CCDC7: variants seen among roughly 807,000 people sequenced by gnomAD.
CCDC7 encodes the protein coiled-coil domain-containing protein 7.
CCDC7 carries 183 observed loss-of-function variants against 196.9 expected under a neutral mutation model. That is an observed-to-expected ratio of 0.93 (90% CI 0.82 to 1.05). The LOEUF is 1.05. Ranked by LOEUF, CCDC7 falls within the 50% of genes least tolerant of loss-of-function variation. The pLI is 0.00. For missense variants in CCDC7, 1,540 were observed against 1,482.2 expected (o/e 1.04, Z -0.64); for synonymous variants, 525 against 484.6 (o/e 1.08, Z -1.10).
chr10:32,472,334 G>C, intron 6 of CCDC7, 147 bp from the exon 8 acceptor site: 1 of 643,872 alleles, frequency 1.6e-6, no homozygotes, highest in Non-Finnish European at 2.3e-6. Flanking sequence ...GTTTACCTTA[G>C]TGTCTGTGAG....
chr10:32,491,978 CA>C lies in CCDC7; in HGVS notation c.854del (p.Gln285ArgfsTer9). 6.3e-7 allele frequency: 1 copy of C among 1,575,480 alleles called. No homozygotes were observed. The highest frequency in any genetic ancestry group is 1.4e-5 in the African/African-American group (1 of 72,752). On this transcript the variant is annotated frameshift_variant, in exon 9 of 42. Transcript: ENST00000639629. LOFTEE classifies it high-confidence loss of function. ...TGCCATGTTGAAAGTATTTGAAAAC[CA>C]GGCAAATATGTTGGAGAGGTAAGCT...
In CCDC7 at chr10:32,592,398, C is replaced by T. The variant is rs539481348; in HGVS notation, c.1801+8094C>T. On this transcript the variant is annotated intron_variant, in intron 18 of 41. Coordinates refer to ENST00000639629, the Ensembl canonical transcript of CCDC7. ...GCTTTGGATTTAGGTTGTCCTTTTT[C>T]TAGTTTTTTTAAGGCATAAAGTTAG... Among the ~76,000 whole-genome samples, 171 of 151,730 alleles carry T rather than the reference C, an allele frequency of 1.1e-3. 1 individual carries two copies. Among genetic ancestry groups the T allele is most frequent in the Middle Eastern group, 0.01 (3 of 294 alleles).
intron 16 of CCDC7, 24 bp from the exon 18 acceptor site, chr10:32,583,010 A>C: frequency 2.5e-6 from 3 of 1,223,820 alleles, no homozygotes; most frequent in Non-Finnish European, 3.1e-6. Context: ...ATAATCTAAT[A>C]CCAGATGTTT....
At chr10:32,668,931 T>A (rs1452115220) in intron 21 of CCDC7, among the ~76,000 whole-genome samples, 1 of 152,270 alleles carries the variant, frequency 6.6e-6, no homozygotes, top group East Asian at 1.9e-4. Context: ...GCCAGTGTTC[T>A]GTAGAATAGA....
intron 28 of CCDC7, among the ~76,000 whole-genome samples, chr10:32,733,623 G>A (rs971050711): frequency 1.3e-5 from 2 of 149,372 alleles, no homozygotes; most frequent in South Asian, 4.2e-4. Context: ...GATCAAATAT[G>A]TTTATTCTGT....
At chr10:32,850,774 AACACACACACAC>A (rs59662474) in intron 39 of CCDC7, among the ~76,000 whole-genome samples, 16,906 of 146,694 alleles carry the variant, frequency 0.12, 1,178 homozygotes, top group East Asian at 0.25. Flanking sequence ...TGTCTCTGAC[AACACACACACAC>A]ACACACACAC....
At chr10:32,485,559 C>T (rs2040888652) in intron 8 of CCDC7, among the ~76,000 whole-genome samples, 1 of 152,080 alleles carries the variant, frequency 6.6e-6, no homozygotes, top group South Asian at 2.1e-4. Flanking sequence ...TTTGCTCTTG[C>T]TTCTCTAGTT....
rs571766533 is a variant in CCDC7 at position 32,475,900 on chromosome 10, A to G, written c.796+1877A>G. On this transcript the variant is annotated intron_variant, in intron 8 of 41. Transcript: ENST00000639629. ...TGCTTCATTTAATAATTAATAGACT[A>G]TTTTTTAGAGAAGTTTTAGGTTCAC... Among the ~76,000 whole-genome samples, 45 of 152,138 alleles carry G rather than the reference A, an allele frequency of 3.0e-4. 1 individual carries two copies. The highest frequency in any genetic ancestry group is 5.6e-4 in the Non-Finnish European group (38 of 68,018).
intron 21 of CCDC7, among the ~76,000 whole-genome samples, chr10:32,668,969 GTT>G (rs1362899155): frequency 2.6e-5 from 4 of 152,014 alleles, no homozygotes; most frequent in African/African-American, 9.7e-5. Context: ...TCCTTGTCTT[GTT>G]TCTTATCTTA....
chr10:32,748,049 A>T (rs79421315), intron 28 of CCDC7, among the ~76,000 whole-genome samples: 7,666 of 152,288 alleles, frequency 0.05, 628 homozygotes, highest in African/African-American at 0.17. Context: ...GAATGAACTC[A>T]TGTCCTTTGC....
intron 20 of CCDC7, among the ~76,000 whole-genome samples, chr10:32,657,737 T>C (rs946073176): frequency 1.3e-5 from 2 of 152,222 alleles, no homozygotes; most frequent in Non-Finnish European, 2.9e-5. Context: ...AGCTCCTCGT[T>C]ACTTATGGAA....
chr10:32,792,717 T>G (rs2082903470), intron 29 of CCDC7, among the ~76,000 whole-genome samples: 1 of 152,128 alleles, frequency 6.6e-6, no homozygotes. Flanking sequence ...GGAGAATCAC[T>G]TGAACCCAGG....
chr10:32,642,355 G>A (rs567752377), intron 20 of CCDC7, among the ~76,000 whole-genome samples: 77 of 152,272 alleles, frequency 5.1e-4, no homozygotes, highest in African/African-American at 1.8e-3. Context: ...AATGGCGGGC[G>A]CCCCTCCCCC....
chr10:32,828,760 C>A (rs1249952920), intron 32 of CCDC7, among the ~76,000 whole-genome samples: 1 of 152,158 alleles, frequency 6.6e-6, no homozygotes, highest in African/African-American at 2.4e-5. Context: ...ATATATGTTA[C>A]TGTTTCTCCC....
chr10:32,521,133 A>C (rs572704788), intron 11 of CCDC7, among the ~76,000 whole-genome samples: 5 of 152,222 alleles, frequency 3.3e-5, no homozygotes, highest in African/African-American at 1.2e-4. Flanking sequence ...CTGTAGTATA[A>C]TTTAAAGTCA....
intron 8 of CCDC7, among the ~76,000 whole-genome samples, chr10:32,484,931 T>C (rs1255253627): frequency 1.3e-5 from 2 of 152,194 alleles, no homozygotes; most frequent in Non-Finnish European, 1.5e-5. Flanking sequence ...TGCATCGATG[T>C]TCATCAGGGA....
chr10:32,820,095 G>C (rs1479397989), intron 31 of CCDC7, among the ~76,000 whole-genome samples: 1 of 152,170 alleles, frequency 6.6e-6, no homozygotes, highest in African/African-American at 2.4e-5. Context: ...ATCTCCTTAA[G>C]CTGAGAGGCA....
At chr10:32,614,718 C>A (rs949473177) in intron 18 of CCDC7, among the ~76,000 whole-genome samples, 1 of 152,174 alleles carries the variant, frequency 6.6e-6, no homozygotes, top group African/African-American at 2.4e-5. Context: ...CTGGTACTCA[C>A]ACACACCACT....
intron 20 of CCDC7, among the ~76,000 whole-genome samples, chr10:32,658,894 T>A (rs1163746092): frequency 6.6e-6 from 1 of 152,234 alleles, no homozygotes; most frequent in African/African-American, 2.4e-5. Flanking sequence ...TTGTAATGTC[T>A]CATCTCTCAT....
Sources: allele counts gnomAD v4.1 joint callset (sites outside exome capture counted in the v4.1 genomes callset), GRCh38; gene constraint gnomAD v4.1.1; transcripts MANE v1.5; gene names NCBI Gene and HGNC (gene_info 2026-07-23, HGNC 2026-07-21).